The following ERI2 variants were observed in gnomAD, a reference collection of about 807,000 sequenced individuals.
ERI2 encodes the protein ERI1 exoribonuclease family member 2.
ERI2 carries 35 observed loss-of-function variants against 46.8 expected under a neutral mutation model. The observed-to-expected ratio is 0.75, with a 90% confidence interval of 0.57 to 0.99. The LOEUF (loss-of-function observed/expected upper bound fraction) is 0.99, where lower values mean the gene tolerates loss of function less well. Ranked by LOEUF, ERI2 falls within the 50% of genes least tolerant of loss-of-function variation. ERI2 has a pLI of 0.00. For synonymous variants in ERI2, 224 were observed against 271.0 expected, an observed-to-expected ratio of 0.83 and a Z score of 1.70; for missense variants, 695 against 796.2, an observed-to-expected ratio of 0.87 and a Z score of 1.53.
chr16:20,796,165 T>G (rs1596545554), downstream of ERI2: 1 of 768,562 alleles, frequency 1.3e-6, no homozygotes. Context: ...TGAGGCTGGG[T>G]TGTTACAGGG....
At position 20,799,351 on chromosome 16, in the gene ERI2, C is replaced by A; in HGVS notation, c.644G>T (p.Gly215Val). ...GGCAGTATTCCGAGAATCGTCCAAC[C>A]CTGAGGATACAGATATCAAACACTG... ...GIEFSGREHSGLDDSRNTALL... is the reference protein window; with the variant it reads ...GIEFSGREHSVLDDSRNTALL... The change falls in exon 8 of 9, where the codon GGG becomes GTG. Residue 215 changes from glycine to valine, a missense_variant and splice_region_variant. Physicochemically the swap from Gly to Val is moderately radical, Grantham distance 109 (BLOSUM62 -3). Coordinates refer to ENST00000357967, the MANE Select transcript of ERI2 (RefSeq NM_001142725.2). The A allele has an allele frequency of 6.2e-7, 1 of 1,613,236 alleles. No individual in the cohort carries two copies. Among genetic ancestry groups the A allele is most frequent in the South Asian group, 1.1e-5 (1 of 90,994 alleles).
chr16:20,786,207 C>T (rs1159035441), intron 10 of ERI2: 2 of 1,587,134 alleles, frequency 1.3e-6, no homozygotes, highest in Non-Finnish European at 8.6e-7. Flanking sequence ...AATCTGTACA[C>T]TACCTACCTA....
At chr16:20,787,866 T>C (rs1449240851) in intron 10 of ERI2, among the ~76,000 whole-genome samples, 1 of 152,208 alleles carries the variant, frequency 6.6e-6, no homozygotes, top group East Asian at 1.9e-4. Context: ...GGGACTTATC[T>C]GGTTTTAGCA....
In ERI2 at chr16:20,796,512, A is replaced by G. The variant is rs781710889; in HGVS notation, c.*1212T>C. 8.1e-6 allele frequency: 13 copies of G among 1,608,696 alleles called. No individual in the cohort carries two copies. Among genetic ancestry groups the G allele is most frequent in the South Asian group, 2.2e-5 (2 of 89,936 alleles). ...AAGGTAGGCATCCTAATTATAACGA[A>G]TATTTGCTCAGTGTTGTGGACAATT... is the stretch of plus-strand genomic sequence containing the variant. On this transcript the variant is annotated 3_prime_UTR_variant, in exon 9 of 9. Transcript: ENST00000357967.
At position 20,799,275 on chromosome 16, in the gene ERI2, C is replaced by T. The variant is rs759037662; in HGVS notation, c.720G>A (p.Arg240=). 11 of 1,613,460 alleles carry T rather than the reference C, an allele frequency of 6.8e-6. No homozygotes were observed. Among genetic ancestry groups the T allele is most frequent in the Admixed American group, 1.7e-5 (1 of 59,932 alleles). ...IRDGCVMKIT[R]SLNKVPTKKN... ...AGACACTACTAACCTTGTTCAACGA[C>T]CTTGTAATTTTCATTACACAACCAT... Residue 240 remains arginine, a synonymous_variant, in exon 8 of 9, where the codon AGG becomes AGA. Coordinates refer to ENST00000357967, the MANE Select transcript of ERI2 (RefSeq NM_001142725.2).
chr16:20,792,568 T>C, downstream of ERI2: 2 of 985,364 alleles, frequency 2.0e-6, no homozygotes, highest in Non-Finnish European at 2.4e-6. Context: ...TAGAAAGAAT[T>C]TGAATTCCTT....
At chr16:20,785,715 G>C (rs1160355751) in intron 10 of ERI2, among the ~76,000 whole-genome samples, 1 of 152,114 alleles carries the variant, frequency 6.6e-6, no homozygotes, top group Non-Finnish European at 1.5e-5. Context: ...TCTTTATAAT[G>C]CTTCAATTTA....
chr16:20,784,758 T>C (rs1343705277), intron 10 of ERI2: 5 of 290,704 alleles, frequency 1.7e-5, no homozygotes, highest in Non-Finnish European at 3.2e-5. Context: ...TCTAGTATCA[T>C]TCTATGATAT....
chr16:20,799,268 T>C lies in ERI2; in HGVS notation c.727A>G (p.Asn243Asp). The C allele has an allele frequency of 6.2e-7, 1 of 1,613,660 alleles. No homozygotes were observed. Among genetic ancestry groups the C allele is most frequent in the Non-Finnish European group, 8.5e-7 (1 of 1,179,714 alleles). The change falls in exon 8 of 9, where the codon AAC becomes GAC. Residue 243 changes from asparagine (N) to aspartate (D), a missense_variant. By Grantham distance (23) the Asn-to-Asp change is conservative (BLOSUM62 1). Coordinates refer to ENST00000357967, the MANE Select transcript of ERI2 (RefSeq NM_001142725.2). ...GCVMKITRSL[N>D]KVPTKKNFSI... is the part of the protein sequence containing the mutation. ...AAAGGCAAGACACTACTAACCTTGT[T>C]CAACGACCTTGTAATTTTCATTACA...
Position 20,798,687 on chromosome 16 carries a change from T to C in ERI2, c.1113A>G (p.Ser371=). The part of the protein sequence containing the change: ...HLAFNTKSKA[S]TVGSELVLVS... Reference sequence around the variant, plus strand: ...CAAGTACCAATTCTGAACCAACTGTTGAAGCCTTAGATTTGGTATTAAATG... The same window carrying C: ...CAAGTACCAATTCTGAACCAACTGTCGAAGCCTTAGATTTGGTATTAAATG... Residue 371 remains serine (S), a synonymous_variant, in exon 9 of 9, where the codon TCA becomes TCG. Transcript: ENST00000357967. 6.4e-7 allele frequency: 1 copy of C among 1,551,736 alleles called. No homozygotes were observed. The highest frequency in any genetic ancestry group is 1.2e-5 in the South Asian group (1 of 84,060).
Position 20,806,447 on chromosome 16 carries a change from T to C in ERI2, c.-17A>G. The C allele has an allele frequency of 6.4e-7, 1 of 1,553,028 alleles. No homozygotes were observed. The highest frequency in any genetic ancestry group is 8.7e-7 in the Non-Finnish European group (1 of 1,148,020). ...GGTCGCCATTCCCGACACTCCTTGCTTTTCCAAGTCCAGCTGCCGGAAGTC... is the reference window on the plus strand; with the variant it reads ...GGTCGCCATTCCCGACACTCCTTGCCTTTCCAAGTCCAGCTGCCGGAAGTC... On this transcript the variant is annotated 5_prime_UTR_variant, in exon 1 of 9. Coordinates refer to ENST00000357967, the MANE Select transcript of ERI2 (RefSeq NM_001142725.2).
Position 20,797,049 on chromosome 16 carries a change from A to T in ERI2, c.*675T>A. On this transcript the variant is annotated 3_prime_UTR_variant, in exon 9 of 9. Transcript: ENST00000357967. ...CTCTAGAAACCACAAGATGATGGAG[A>T]GGTCATAAAAACTGTGGTAGTATGC... 1.3e-6 allele frequency: 2 copies of T among 1,541,068 alleles called. No homozygotes were observed. The highest frequency in any genetic ancestry group is 1.7e-6 in the Non-Finnish European group (2 of 1,150,024).
downstream of ERI2, among the ~76,000 whole-genome samples, chr16:20,794,007 A>T (rs1029362726): frequency 2.0e-5 from 3 of 152,174 alleles, no homozygotes; most frequent in African/African-American, 7.2e-5. Flanking sequence ...TGGATTAGTC[A>T]GAGTGAGGGG....
exon 11 of ERI2, chr16:20,780,494 A>AT (rs2080328601): frequency 1.2e-6 from 1 of 834,112 alleles, no homozygotes; most frequent in Non-Finnish European, 1.8e-6. Flanking sequence ...GAAAGCAGCT[A>AT]TTATAAATGG....
chr16:20,795,077 T>G (rs2080692704), downstream of ERI2, among the ~76,000 whole-genome samples: 1 of 152,234 alleles, frequency 6.6e-6, no homozygotes, highest in African/African-American at 2.4e-5. Context: ...AAATGCATTT[T>G]ATAAAATGTC....
At chr16:20,792,022 T>C (rs769936361), downstream of ERI2, 1 of 1,614,086 alleles carries the variant, frequency 6.2e-7, no homozygotes, top group Non-Finnish European at 8.5e-7. Flanking sequence ...CAAAAACAGC[T>C]TCAACTCTAC....
chr16:20,796,273 C>T (rs1263755855), downstream of ERI2: 3 of 1,522,266 alleles, frequency 2.0e-6, no homozygotes. Flanking sequence ...CTGGCCCACC[C>T]CACCAGGCAT....
intron 4 of ERI2, among the ~76,000 whole-genome samples, chr16:20,801,599 A>G (rs1205675329): frequency 6.6e-6 from 1 of 152,236 alleles, no homozygotes; most frequent in Non-Finnish European, 1.5e-5. Context: ...AAGGTAAGAA[A>G]GATTAGGTTG....
At chr16:20,799,391 AG>A (rs1323876478) in intron 7 of ERI2, 40 bp from the exon 8 acceptor site, 1 of 1,578,000 alleles carries the variant, frequency 6.3e-7, no homozygotes, top group Non-Finnish European at 8.7e-7. Context: ...TAGTGGTACT[AG>A]TACTATTTCC....
Sources: gnomAD v4.1 joint callset for allele counts (sites outside exome capture counted in the v4.1 genomes callset) on GRCh38, gnomAD v4.1.1 for gene constraint, MANE v1.5 for transcripts, NCBI Gene and HGNC (gene_info 2026-07-23, HGNC 2026-07-21) for gene names.